DHRS11: variants seen among roughly 807,000 people sequenced by gnomAD.
The protein encoded by DHRS11 is dehydrogenase/reductase 11, also known as dehydrogenase/reductase SDR family member 11.
A neutral mutation model predicts 30.7 loss-of-function variants in DHRS11; 18 were observed. The observed-to-expected ratio is 0.59, with a 90% confidence interval of 0.41 to 0.87. DHRS11 has a LOEUF of 0.87. Among genes scored for constraint, DHRS11 ranks in the 40% least tolerant of loss-of-function variants. DHRS11 has a pLI of 0.00. For missense variants in DHRS11, 300 were observed against 349.0 expected, an observed-to-expected ratio of 0.86 and a Z score of 1.12; for synonymous variants, 123 against 139.6, an observed-to-expected ratio of 0.88 and a Z score of 0.84.
Position 36,592,912 on chromosome 17 carries a change from C to A in DHRS11, c.147+756C>A, listed in dbSNP as rs2074780002. 6.6e-6 allele frequency among the ~76,000 whole-genome samples: 1 copy of A among 152,080 alleles called. No homozygotes were observed. Among genetic ancestry groups the A allele is most frequent in the Non-Finnish European group, 1.5e-5 (1 of 68,012 alleles). On this transcript the variant is annotated intron_variant, in intron 1 of 6. Coordinates refer to ENST00000618403, the MANE Select transcript of DHRS11 (RefSeq NM_024308.4). The surrounding 1 kb of genome is among the most constrained non-coding windows in gnomAD (Gnocchi z 4.4). ...CTTAGCTGCAGGGCTTTATCTCCACCGTGCTCAAAGTCCTCAGGCAGGGAA... is the reference window on the plus strand; with the variant it reads ...CTTAGCTGCAGGGCTTTATCTCCACAGTGCTCAAAGTCCTCAGGCAGGGAA...
rs1461150018 is a variant in DHRS11, at chr17:36,591,903, G to A, written c.-107G>A. ...CGGGACTCTGGTGGGTCTAGGCGCG[G>A]ATCGGACCCAAGCAGGTCGGCGGCG... On this transcript the variant is annotated 5_prime_UTR_variant, in exon 1 of 7. Coordinates refer to ENST00000618403, the MANE Select transcript of DHRS11 (RefSeq NM_024308.4). 8.6e-6 allele frequency: 10 copies of A among 1,156,946 alleles called. No homozygotes were observed. Among genetic ancestry groups the A allele is most frequent in the Non-Finnish European group, 1.1e-5 (10 of 925,084 alleles). 71.7% of individuals were successfully genotyped at this position (1,156,946 alleles called of 1,614,324 possible).
intron 2 of DHRS11, among the ~76,000 whole-genome samples, chr17:36,595,532 G>A (rs1332908546): frequency 7.0e-6 from 1 of 143,368 alleles, no homozygotes. Context: ...CGATTCTCCT[G>A]CTTGAGCCTC....
chr17:36,598,047 C>G, intron 2 of DHRS11, 116 bp from the exon 3 acceptor site: 1 of 1,035,050 alleles, frequency 9.7e-7, no homozygotes, highest in Non-Finnish European at 1.5e-6. Flanking sequence ...TCCGGGGGGA[C>G]CTGGACACTG....
Position 36,598,190 on chromosome 17 carries a change from A to G in DHRS11, c.385A>G (p.Thr129Ala), listed in dbSNP as rs1488528487. 6.2e-7 allele frequency: 1 copy of G among 1,614,072 alleles called. No homozygotes were observed. Among genetic ancestry groups the G allele is most frequent in the Admixed American group, 1.7e-5 (1 of 60,016 alleles). Reference protein sequence around the residue: ...NVNVLALSICTREAYQSMKER... With the variant: ...NVNVLALSICAREAYQSMKER... ...GAACGTGCTGGCCCTCAGCATCTGC[A>G]CACGGGAAGCCTACCAGTCCATGAA... The change falls in exon 3 of 7, where the codon ACA becomes GCA. Residue 129 changes from threonine (T) to alanine (A), a missense_variant. Physicochemically the swap from Thr to Ala is moderately conservative, Grantham distance 58. Transcript: ENST00000618403.
At chr17:36,598,532 C>T (rs1179759428) in intron 3 of DHRS11, 3 of 548,176 alleles carry the variant, frequency 5.5e-6, no homozygotes, top group Non-Finnish European at 6.5e-6. Flanking sequence ...TGAACCCCAC[C>T]TCATGGCACA....
chr17:36,599,652 G>T lies in DHRS11; in HGVS notation c.583-19G>T, dbSNP rs1286445740. On this transcript the variant is annotated intron_variant, in intron 4 of 6. Coordinates refer to ENST00000618403, the MANE Select transcript of DHRS11 (RefSeq NM_024308.4). ...CTGGCAAAGCTCAGCCCCTGAGAAG[G>T]CCCTCTCTGTTGGCCCAGTGCATCT... The T allele has an allele frequency of 1.2e-6, 2 of 1,613,914 alleles. No homozygotes were observed. Among genetic ancestry groups the T allele is most frequent in the East Asian group, 2.2e-5 (1 of 44,874 alleles).
intron 2 of DHRS11, chr17:36,596,608 T>C (rs933919198): frequency 8.6e-6 from 3 of 347,044 alleles, no homozygotes; most frequent in African/African-American, 2.1e-5. Flanking sequence ...ACTGAAAAGA[T>C]AGTTATTGAA....
At chr17:36,597,886 G>A (rs2074823754) in intron 2 of DHRS11, 3 of 551,410 alleles carry the variant, frequency 5.4e-6, no homozygotes, top group Non-Finnish European at 9.7e-6. Context: ...TCCTGGGTCA[G>A]GAGTGGGTTT....
Position 36,598,326 on chromosome 17 carries a change from C to T in DHRS11, c.452+69C>T, listed in dbSNP as rs180825246. On this transcript the variant is annotated intron_variant, in intron 3 of 6. Transcript: ENST00000618403. Reference sequence around the variant, plus strand: ...GGTAATGTGCTGCAGCTCACCTGACCTCTTTGGACCTCAGTTTCCTTGGTG... The same window carrying T: ...GGTAATGTGCTGCAGCTCACCTGACTTCTTTGGACCTCAGTTTCCTTGGTG... 4.9e-5 allele frequency: 67 copies of T among 1,379,786 alleles called. No individual in the cohort carries two copies. The Admixed American group carries it at 1.0e-3, about 21-fold the overall frequency. 85.5% of individuals were successfully genotyped at this position (1,379,786 alleles called of 1,614,324 possible). A position where few individuals can be genotyped will look rare whatever the true frequency, so the allele number is the denominator to read the frequency against.
chr17:36,598,853 C>A (rs1465194385), intron 3 of DHRS11, 68 bp from the exon 4 acceptor site: 14 of 1,545,602 alleles, frequency 9.1e-6, no homozygotes, highest in Non-Finnish European at 1.0e-5. Flanking sequence ...TGACCGGGTA[C>A]GGCAGGAGCA....
At chr17:36,595,824 T>C (rs1485849280) in intron 2 of DHRS11, among the ~76,000 whole-genome samples, 3 of 152,196 alleles carry the variant, frequency 2.0e-5, no homozygotes, top group African/African-American at 4.8e-5. Context: ...TTGTCAGTCC[T>C]GTGCCTGGGT....
chr17:36,599,181 G>C (rs898419259), intron 4 of DHRS11, 131 bp downstream of exon 4: 2 of 1,357,914 alleles, frequency 1.5e-6, no homozygotes, highest in Non-Finnish European at 2.0e-6. Flanking sequence ...CACAGAACTG[G>C]GTGCTGCTGC....
chr17:36,593,824 G>A (rs976510567), intron 1 of DHRS11, among the ~76,000 whole-genome samples: 3 of 152,028 alleles, frequency 2.0e-5, no homozygotes, highest in African/African-American at 4.8e-5. Context: ...CTTCCCCCTC[G>A]CCCACGTCTA....
chr17:36,600,346 T>C lies in DHRS11; in HGVS notation c.*143T>C. On this transcript the variant is annotated 3_prime_UTR_variant, in exon 7 of 7. Transcript: ENST00000618403. ...GGCTAGAAAATTTGTTTGAGATTTT[T>C]ATATCATCTTGTCAAATTGCTTCAG... 1.1e-6 allele frequency: 1 copy of C among 908,628 alleles called. No homozygotes were observed. The highest frequency in any genetic ancestry group is 1.6e-5 in the South Asian group (1 of 60,818). 56.3% of individuals were successfully genotyped at this position (908,628 alleles called of 1,614,324 possible).
chr17:36,595,322 T>A, intron 2 of DHRS11, 142 bp downstream of exon 2: 1 of 793,190 alleles, frequency 1.3e-6, no homozygotes. Flanking sequence ...ATCTTGACTC[T>A]CTCTTGGCTT....
At chr17:36,598,136 C>T in intron 2 of DHRS11, 27 bp from the exon 3 acceptor site, 2 of 1,611,960 alleles carry the variant, frequency 1.2e-6, no homozygotes, top group Non-Finnish European at 1.7e-6. Flanking sequence ...GGAGTGGAGA[C>T]ACCTCATTGC....
chr17:36,594,038 T>C (rs950184845), intron 1 of DHRS11, among the ~76,000 whole-genome samples: 1 of 152,158 alleles, frequency 6.6e-6, no homozygotes, highest in African/African-American at 2.4e-5. Context: ...AATTGCCTCA[T>C]AGTCTCCTGA....
Position 36,598,955 on chromosome 17 carries a change from AC to A in DHRS11, c.490del (p.His164ThrfsTer13). The part of the protein sequence containing the change: ...SGHRVLPLSV[T>X]HFYSATKYAV... ...CCACCGAGTGTTACCCCTGTCTGTG[AC>A]CCACTTCTATAGTGCCACCAAGTAT... On this transcript the variant is annotated frameshift_variant, in exon 4 of 7. Coordinates refer to ENST00000618403, the MANE Select transcript of DHRS11 (RefSeq NM_024308.4). LOFTEE classifies it high-confidence loss of function. The A allele has an allele frequency of 6.2e-7, 1 of 1,613,068 alleles. No individual in the cohort carries two copies. The highest frequency in any genetic ancestry group is 8.5e-7 in the Non-Finnish European group (1 of 1,179,782).
At position 36,598,427 on chromosome 17, in the gene DHRS11, G is replaced by C. The variant is rs536688112; in HGVS notation, c.452+170G>C. On this transcript the variant is annotated intron_variant, in intron 3 of 6. Coordinates refer to ENST00000618403, the MANE Select transcript of DHRS11 (RefSeq NM_024308.4). ...ATAATGTTGTCAAGTACCAGCCCCT[G>C]GTTGGCTGGAATGGGCAGCTTAGCC... 13 of 687,572 alleles carry C rather than the reference G, an allele frequency of 1.9e-5. No homozygotes were observed. The Admixed American group carries it at 2.0e-4, about 10-fold the overall frequency. 42.6% of individuals were successfully genotyped at this position (687,572 alleles called of 1,614,324 possible).
Sources: allele counts gnomAD v4.1 joint callset (sites outside exome capture counted in the v4.1 genomes callset), GRCh38; gene constraint gnomAD v4.1.1; non-coding constraint Gnocchi (gnomAD v3.1); transcripts MANE v1.5; gene names NCBI Gene and HGNC (gene_info 2026-07-23, HGNC 2026-07-21).